Variants in FBN2 observed in about 807,000 individuals in gnomAD.
FBN2 encodes the protein fibrillin-2.
In FBN2, 105 loss-of-function variants were observed where a neutral mutation model predicts 355.6. That is an observed-to-expected ratio of 0.30 (90% CI 0.25 to 0.35). FBN2 has a LOEUF of 0.35. FBN2 is among the 10% of genes least tolerant of loss of function. The probability of loss-of-function intolerance (pLI) is 1.00; values close to 1 mark genes in which losing one functional copy is unlikely to be tolerated. For synonymous variants in FBN2, 1,350 were observed against 1,301.2 expected, an observed-to-expected ratio of 1.04 and a Z score of -0.81; for missense variants, 3,280 against 3,758.7, an observed-to-expected ratio of 0.87 and a Z score of 3.33.
At position 128,420,795 on chromosome 5, in the gene FBN2, C is replaced by T. The variant is rs79118337; in HGVS notation, c.953-11996G>A. Among the ~76,000 whole-genome samples, 149 of 152,254 alleles carry T rather than the reference C, an allele frequency of 9.8e-4. No homozygotes were observed. The East Asian group carries it at 0.025, about 26-fold the overall frequency. On this transcript the variant is annotated intron_variant, in intron 7 of 64. Transcript: ENST00000262464. ...GGCATATACTATTCATTCATGAACT[C>T]ATTAAGTAATTGCTAATTAAAAAGG... is the stretch of plus-strand genomic sequence containing the variant.
chr5:128,431,018 G>A (rs1753608200), intron 7 of FBN2, among the ~76,000 whole-genome samples: 2 of 152,210 alleles, frequency 1.3e-5, no homozygotes, highest in African/African-American at 2.4e-5. Context: ...TTTGGATAAT[G>A]TTGAGAGAAT....
rs112782567 is a variant in FBN2, at chr5:128,457,805, A to G, written c.826+6919T>C. On this transcript the variant is annotated intron_variant, in intron 6 of 64. Transcript: ENST00000262464. Reference sequence around the variant, plus strand: ...TTCCTCAAGAGCTCATGAAAGAAGCACTAAATATGGAAAGGAAAAACCAGT... The same window carrying G: ...TTCCTCAAGAGCTCATGAAAGAAGCGCTAAATATGGAAAGGAAAAACCAGT... Among the ~76,000 whole-genome samples the G allele has an allele frequency of 8.4e-3, 1,274 of 152,128 alleles. 21 individuals are homozygous for G. The highest frequency in any genetic ancestry group is 0.028 in the African/African-American group (1,174 of 41,482).
At chr5:128,489,447 G>A (rs1755440969) in intron 5 of FBN2, among the ~76,000 whole-genome samples, 1 of 151,918 alleles carries the variant, frequency 6.6e-6, no homozygotes, top group African/African-American at 2.4e-5. Flanking sequence ...CATGCTTTTA[G>A]GCTGTTTTTC....
chr5:128,453,996 C>G (rs540233477), intron 6 of FBN2, among the ~76,000 whole-genome samples: 20 of 151,408 alleles, frequency 1.3e-4, no homozygotes, highest in East Asian at 3.9e-4. Context: ...GCTTGCCCCC[C>G]CCCCAAGTTT....
intron 48 of FBN2, among the ~76,000 whole-genome samples, chr5:128,292,541 CAA>C (rs529900936): frequency 1.6e-4 from 24 of 152,110 alleles, no homozygotes; most frequent in Admixed American, 3.9e-4. Context: ...AGAAGTTTAA[CAA>C]AAGAGTCATC....
At chr5:128,463,583 A>T (rs72785142) in intron 6 of FBN2, among the ~76,000 whole-genome samples, 19,767 of 152,226 alleles carry the variant, frequency 0.13, 1,425 homozygotes, top group Non-Finnish European at 0.17. Context: ...ACACTAACAA[A>T]AATCTGTGGA....
intron 7 of FBN2, among the ~76,000 whole-genome samples, chr5:128,420,297 A>G (rs1753313146): frequency 6.6e-6 from 1 of 152,200 alleles, no homozygotes; most frequent in African/African-American, 2.4e-5. Context: ...CATTCTTATT[A>G]TAAACAAGAA....
chr5:128,412,826 C>T (rs1753106483), intron 7 of FBN2, among the ~76,000 whole-genome samples: 1 of 152,114 alleles, frequency 6.6e-6, no homozygotes, highest in African/African-American at 2.4e-5. Flanking sequence ...AAAGATAGTC[C>T]TTGTGTTTAA....
At position 128,538,064 on chromosome 5, in the gene FBN2, A is replaced by C; in HGVS notation, c.-461T>G. 5.9e-6 allele frequency: 1 copy of C among 169,692 alleles called. No individual in the cohort carries two copies. Among genetic ancestry groups the C allele is most frequent in the Non-Finnish European group, 1.3e-5 (1 of 79,960 alleles). The allele number at this position is 169,692 out of a possible 1,614,324, so 10.5% of individuals were successfully genotyped here. A position where few individuals can be genotyped will look rare whatever the true frequency, so the allele number is the denominator to read the frequency against. Reference sequence around the variant, plus strand: ...AAAGCTGCAAAAGTCACCAGAAAGAAACAGGCAAGCAAACAAAAGTCGCCC... The same window carrying C: ...AAAGCTGCAAAAGTCACCAGAAAGACACAGGCAAGCAAACAAAAGTCGCCC... On this transcript the variant is annotated 5_prime_UTR_variant, in exon 1 of 65. Coordinates refer to ENST00000262464, the MANE Select transcript of FBN2 (RefSeq NM_001999.4).
chr5:128,304,364 G>A (rs2126837373), intron 45 of FBN2, among the ~76,000 whole-genome samples: 1 of 152,280 alleles, frequency 6.6e-6, no homozygotes, highest in Middle Eastern at 3.4e-3. Flanking sequence ...AGCTCAGCAA[G>A]TACTCACTAA....
At chr5:128,261,435 G>C (rs1222136058) in intron 64 of FBN2, among the ~76,000 whole-genome samples, 1 of 152,030 alleles carries the variant, frequency 6.6e-6, no homozygotes, top group Non-Finnish European at 1.5e-5. Flanking sequence ...TTCATTTTTT[G>C]AATCATGTAA....
chr5:128,337,248 A>G (rs1304034396), intron 27 of FBN2, among the ~76,000 whole-genome samples: 2 of 152,236 alleles, frequency 1.3e-5, no homozygotes, highest in Admixed American at 1.3e-4. Flanking sequence ...AAAGCAATAC[A>G]TAAGGCTTAT....
At chr5:128,294,765 T>C (rs1749452973) in intron 48 of FBN2, among the ~76,000 whole-genome samples, 1 of 150,716 alleles carries the variant, frequency 6.6e-6, no homozygotes, top group South Asian at 2.2e-4. Flanking sequence ...GTTGCGAAAA[T>C]TTTCTCCCAT....
At position 128,457,551 on chromosome 5, in the gene FBN2, T is replaced by C. The variant is rs778641542; in HGVS notation, c.826+7173A>G. Among the ~76,000 whole-genome samples the C allele has an allele frequency of 2.6e-5, 4 of 152,078 alleles. 1 individual carries two copies. The highest frequency in any genetic ancestry group is 4.8e-5 in the African/African-American group (2 of 41,388). ...GGAAAAACTGTTAAGGGCAGCCAGA[T>C]AGAAAGGTCAGGTCACCTTCAAAGG... On this transcript the variant is annotated intron_variant, in intron 6 of 64. Coordinates refer to ENST00000262464, the MANE Select transcript of FBN2 (RefSeq NM_001999.4).
intron 1 of FBN2, 69 bp downstream of exon 1, chr5:128,537,281 G>A: frequency 1.3e-6 from 2 of 1,594,632 alleles, no homozygotes; most frequent in Non-Finnish European, 8.5e-7. Context: ...GGGCCAGAAA[G>A]CCGCCAAACT....
rs921058684 is a variant in FBN2, at chr5:128,454,083, T to C, written c.827-7477A>G. Among the ~76,000 whole-genome samples, 4 of 151,706 alleles carry C rather than the reference T, an allele frequency of 2.6e-5. 1 individual carries two copies. Among genetic ancestry groups the C allele is most frequent in the Non-Finnish European group, 5.9e-5 (4 of 67,926 alleles). On this transcript the variant is annotated intron_variant, in intron 6 of 64. Coordinates refer to ENST00000262464, the MANE Select transcript of FBN2 (RefSeq NM_001999.4). ...TATGGGAACATCTCCTCCTCTCCAA[T>C]AGAACATCCACAATCCTAGCTCTCT...
At chr5:128,396,750 C>T (rs2126983696) in intron 8 of FBN2, among the ~76,000 whole-genome samples, 1 of 152,320 alleles carries the variant, frequency 6.6e-6, no homozygotes, top group African/African-American at 2.4e-5. Flanking sequence ...ATGGAAAAAA[C>T]TGTGAGCTTC....
At chr5:128,306,860 A>T (rs1749898801) in intron 42 of FBN2, among the ~76,000 whole-genome samples, 1 of 152,218 alleles carries the variant, frequency 6.6e-6, no homozygotes, top group Admixed American at 6.5e-5. Context: ...AATGTGCATG[A>T]CAAGGACAAC....
chr5:128,280,048 T>G, intron 56 of FBN2, 144 bp downstream of exon 56: 1 of 673,978 alleles, frequency 1.5e-6, no homozygotes, highest in South Asian at 1.7e-5. Flanking sequence ...TTAATAGATG[T>G]GCATCTTTAA....
Sources: allele counts gnomAD v4.1 joint callset (sites outside exome capture counted in the v4.1 genomes callset), GRCh38; gene constraint gnomAD v4.1.1; transcripts MANE v1.5; gene names NCBI Gene and HGNC (gene_info 2026-07-23, HGNC 2026-07-21).